The following PLXNA2 variants were observed in gnomAD, a reference collection of about 807,000 sequenced individuals.
PLXNA2 encodes the protein plexin-A2.
A neutral mutation model predicts 193.5 loss-of-function variants in PLXNA2; 91 were observed. The observed-to-expected ratio is 0.47, with a 90% CI of 0.40 to 0.56. The LOEUF (loss-of-function observed/expected upper bound fraction) is 0.56. Ranked by LOEUF, PLXNA2 falls within the 20% of genes least tolerant of loss-of-function variation. The pLI is 0.00. For missense variants in PLXNA2, 1,995 were observed against 2,503.2 expected, an observed-to-expected ratio of 0.80 and a Z score of 4.33; for synonymous variants, 997 against 1,027.3, an observed-to-expected ratio of 0.97 and a Z score of 0.56.
intron 12 of PLXNA2, 112 bp downstream of exon 12, chr1:208,079,148 C>G: frequency 2.2e-6 from 2 of 913,630 alleles, no homozygotes; most frequent in South Asian, 3.5e-5. Context: ...CCACATTAAA[C>G]TCACTGTACG....
chr1:208,102,318 T>A (rs534650106), intron 5 of PLXNA2, among the ~76,000 whole-genome samples: 47 of 152,356 alleles, frequency 3.1e-4, no homozygotes, highest in African/African-American at 1.1e-3. Flanking sequence ...CTTTGCTAGC[T>A]GGCATGGAGC....
chr1:208,121,361 C>T (rs1014548833), intron 4 of PLXNA2, among the ~76,000 whole-genome samples: 2 of 152,136 alleles, frequency 1.3e-5, no homozygotes, highest in African/African-American at 4.8e-5. Flanking sequence ...GGTTTCCACT[C>T]AAGAATTCTC....
chr1:208,238,739 A>C (rs1206681653), intron 1 of PLXNA2, among the ~76,000 whole-genome samples: 1 of 152,232 alleles, frequency 6.6e-6, no homozygotes. Context: ...TTTTAAAAAA[A>C]AGTCTCCTCA....
intron 27 of PLXNA2, among the ~76,000 whole-genome samples, 177 bp from the exon 28 acceptor site, chr1:208,033,686 G>C (rs1664580484): frequency 6.6e-6 from 1 of 152,230 alleles, no homozygotes; most frequent in African/African-American, 2.4e-5. Context: ...TGGTTGGCAT[G>C]AGGACGGAAG....
At chr1:208,029,105 T>G in intron 29 of PLXNA2, 63 bp from the exon 30 acceptor site, 1 of 1,591,876 alleles carries the variant, frequency 6.3e-7, no homozygotes, top group Non-Finnish European at 8.6e-7. Flanking sequence ...TGCTGCCCAC[T>G]GATATTCTTC....
At position 208,047,551 on chromosome 1, in the gene PLXNA2, A is replaced by T. The variant is rs980728080; in HGVS notation, c.3256-1434T>A. 5.9e-5 allele frequency among the ~76,000 whole-genome samples: 9 copies of T among 151,862 alleles called. 1 individual carries two copies. The highest frequency in any genetic ancestry group is 2.2e-4 in the African/African-American group (9 of 41,436). On this transcript the variant is annotated intron_variant, in intron 17 of 31. Coordinates refer to ENST00000367033, the MANE Select transcript of PLXNA2 (RefSeq NM_025179.4). ...CTTGGGAAGAAAAACCCAGACTCCT[A>T]CTCCCTCTCTGCCTGGCTCCCACCC... is the stretch of plus-strand genomic sequence containing the variant.
intron 3 of PLXNA2, among the ~76,000 whole-genome samples, chr1:208,186,720 T>TTTTTTG (rs1558234684): frequency 3.0e-5 from 2 of 66,402 alleles, no homozygotes; most frequent in Non-Finnish European, 3.5e-5. Context: ...TTTATTTTTT[T>TTTTTTG]TTTTTTTTTT....
intron 29 of PLXNA2, chr1:208,029,521 G>A (rs1227418867): frequency 1.5e-5 from 15 of 997,846 alleles, no homozygotes; most frequent in Non-Finnish European, 1.8e-5. Flanking sequence ...CGCCCAGCCC[G>A]GCTGCCCAAG....
At chr1:208,201,856 T>A (rs945803773) in intron 3 of PLXNA2, among the ~76,000 whole-genome samples, 5 of 152,198 alleles carry the variant, frequency 3.3e-5, no homozygotes, top group African/African-American at 1.2e-4. Flanking sequence ...CATGAATTAT[T>A]TCTTTATGAT....
chr1:208,081,984 C>G (rs1056031133), intron 11 of PLXNA2, among the ~76,000 whole-genome samples: 5 of 152,118 alleles, frequency 3.3e-5, no homozygotes, highest in African/African-American at 1.2e-4. Context: ...CTCTCTCCCG[C>G]CCACCTCAGG....
chr1:208,027,488 A>G, intron 31 of PLXNA2, 150 bp from the exon 32 acceptor site: 1 of 598,548 alleles, frequency 1.7e-6, no homozygotes, highest in Non-Finnish European at 3.0e-6. Flanking sequence ...AACTGAATGA[A>G]TACATGCACA....
At chr1:208,079,088 T>C (rs1373886192) in intron 12 of PLXNA2, among the ~76,000 whole-genome samples, 172 bp downstream of exon 12, 25 of 152,242 alleles carry the variant, frequency 1.6e-4, no homozygotes, top group Admixed American at 1.6e-3. Context: ...TTACCTCTTA[T>C]ACCTAGACAG....
At chr1:208,204,627 C>T (rs577859867) in intron 3 of PLXNA2, among the ~76,000 whole-genome samples, 40 of 152,292 alleles carry the variant, frequency 2.6e-4, no homozygotes, top group Admixed American at 1.0e-3. Context: ...TATTTCAATT[C>T]GTACAAATAG....
chr1:208,218,317 C>A (rs1043126383), intron 1 of PLXNA2, among the ~76,000 whole-genome samples: 1 of 152,108 alleles, frequency 6.6e-6, no homozygotes, highest in African/African-American at 2.4e-5. Context: ...TTGAAGTTCA[C>A]CCAGCCAGTC....
intron 9 of PLXNA2, among the ~76,000 whole-genome samples, chr1:208,085,547 C>T (rs999448642): frequency 6.6e-6 from 1 of 152,218 alleles, no homozygotes; most frequent in Non-Finnish European, 1.5e-5. Flanking sequence ...GGATTTCCTA[C>T]AAGGTGTAGG....
At chr1:208,147,165 G>T (rs937748466) in intron 3 of PLXNA2, among the ~76,000 whole-genome samples, 1 of 152,136 alleles carries the variant, frequency 6.6e-6, no homozygotes, top group African/African-American at 2.4e-5. Flanking sequence ...GGGACTACAG[G>T]TGTGCACCAC....
At chr1:208,174,005 A>G (rs1669579231) in intron 3 of PLXNA2, among the ~76,000 whole-genome samples, 3 of 152,254 alleles carry the variant, frequency 2.0e-5, no homozygotes, top group African/African-American at 7.2e-5. Context: ...AGACAGAATT[A>G]GGAGCCCGCT....
chr1:208,148,774 G>A (rs995850618), intron 3 of PLXNA2, among the ~76,000 whole-genome samples: 22 of 152,166 alleles, frequency 1.4e-4, no homozygotes, highest in African/African-American at 5.3e-4. Flanking sequence ...AGACCAGCAC[G>A]GGGGGCGGAG....
intron 12 of PLXNA2, among the ~76,000 whole-genome samples, chr1:208,068,740 A>T (rs1665877880): frequency 6.6e-6 from 1 of 152,152 alleles, no homozygotes; most frequent in African/African-American, 2.4e-5. Flanking sequence ...GAGGATAAAC[A>T]TTTGGTATCT....
Sources: allele counts gnomAD v4.1 joint callset (sites outside exome capture counted in the v4.1 genomes callset), GRCh38; gene constraint gnomAD v4.1.1; transcripts MANE v1.5; gene names NCBI Gene and HGNC (gene_info 2026-07-23, HGNC 2026-07-21).